The following CARMIL1 variants were observed in gnomAD, a reference collection of about 807,000 sequenced individuals.
The protein encoded by CARMIL1 is F-actin-uncapping protein LRRC16A.
A neutral mutation model predicts 177.1 loss-of-function variants in CARMIL1; 90 were observed. That is an observed-to-expected ratio of 0.51 (90% confidence interval 0.43 to 0.61). The LOEUF (loss-of-function observed/expected upper bound fraction) is 0.61, where lower values mean the gene tolerates loss of function less well. Among genes scored for constraint, CARMIL1 ranks in the 20% least tolerant of loss-of-function variants. CARMIL1 has a pLI of 0.00. For missense variants in CARMIL1, 1,380 were observed against 1,667.0 expected (o/e 0.83, Z 3.00); for synonymous variants, 577 against 606.2 (o/e 0.95, Z 0.71).
chr6:25,281,135 C>CGTGTGTGT (rs1561928471), intron 1 of CARMIL1, among the ~76,000 whole-genome samples: 4 of 107,944 alleles, frequency 3.7e-5, no homozygotes, highest in Non-Finnish European at 7.1e-5. Context: ...TGTGCGCGCG[C>CGTGTGTGT]GCACACACAC....
chr6:25,602,490 A>G (rs1815516999), intron 33 of CARMIL1, among the ~76,000 whole-genome samples: 2 of 152,144 alleles, frequency 1.3e-5, no homozygotes. Context: ...TTTGGATTTG[A>G]TATATAAATC....
In CARMIL1 at chr6:25,451,255, A is replaced by G. The variant is rs559152734; in HGVS notation, c.614+544A>G. 3.9e-5 allele frequency among the ~76,000 whole-genome samples: 6 copies of G among 152,206 alleles called. No homozygotes were observed. The South Asian group carries it at 1.0e-3, about 26-fold the overall frequency. On this transcript the variant is annotated intron_variant, in intron 8 of 36. Transcript: ENST00000329474. ...TGCTGAATTTTACCATAAAAACAGTATAATTCTTAGGTTCTTATGTCAGCC... is the reference window on the plus strand; with the variant it reads ...TGCTGAATTTTACCATAAAAACAGTGTAATTCTTAGGTTCTTATGTCAGCC...
chr6:25,587,941 C>T (rs1489936409), intron 31 of CARMIL1, among the ~76,000 whole-genome samples: 1 of 152,076 alleles, frequency 6.6e-6, no homozygotes, highest in Non-Finnish European at 1.5e-5. Context: ...TCCACACATT[C>T]TGCATTTGAG....
intron 11 of CARMIL1, among the ~76,000 whole-genome samples, chr6:25,479,579 TATTA>T (rs1185653282): frequency 1.3e-5 from 2 of 152,176 alleles, no homozygotes; most frequent in African/African-American, 2.4e-5. Context: ...TGTTGGAGTT[TATTA>T]ATTTTGTTAG....
Position 25,482,362 on chromosome 6 carries a change from A to G in CARMIL1, c.961+19A>G, listed in dbSNP as rs145878156. ...CCTAAAGGTACAGTATTTCTTATTT[A>G]CCTAAGAGTGTGTCTGAAATATTTC... On this transcript the variant is annotated intron_variant, in intron 12 of 36. Transcript: ENST00000329474. The G allele has an allele frequency of 1.2e-4, 141 of 1,219,544 alleles. No individual in the cohort carries two copies. The African/African-American group carries it at 1.5e-3, about 13-fold the overall frequency. 75.5% of individuals were successfully genotyped at this position (1,219,544 alleles called of 1,614,324 possible).
At chr6:25,298,488 A>G (rs1197819473) in intron 2 of CARMIL1, among the ~76,000 whole-genome samples, 2 of 152,200 alleles carry the variant, frequency 1.3e-5, no homozygotes, top group Non-Finnish European at 2.9e-5. Context: ...GTTCAAGTTC[A>G]GTGTTGAGAA....
intron 24 of CARMIL1, among the ~76,000 whole-genome samples, chr6:25,535,926 A>T (rs991134355): frequency 6.6e-6 from 1 of 152,162 alleles, no homozygotes; most frequent in African/African-American, 2.4e-5. Flanking sequence ...GAATTGAAGA[A>T]CTTAATTTTG....
chr6:25,442,432 CTCTG>C (rs1327658488), intron 5 of CARMIL1, among the ~76,000 whole-genome samples: 3 of 151,082 alleles, frequency 2.0e-5, no homozygotes, highest in Admixed American at 1.3e-4. Context: ...ACAACAAATC[CTCTG>C]TCTTTCTGTC....
At chr6:25,337,197 C>G (rs1189199836) in intron 2 of CARMIL1, among the ~76,000 whole-genome samples, 1 of 152,158 alleles carries the variant, frequency 6.6e-6, no homozygotes, top group Non-Finnish European at 1.5e-5. Context: ...CCATACAGCT[C>G]TCCTTGTAAG....
At chr6:25,448,297 C>A (rs890397040) in intron 5 of CARMIL1, among the ~76,000 whole-genome samples, 3 of 152,134 alleles carry the variant, frequency 2.0e-5, no homozygotes, top group Admixed American at 6.5e-5. Flanking sequence ...ACCTGTGAGG[C>A]GCACCATGGC....
chr6:25,537,289 C>T (rs1362088775), intron 24 of CARMIL1, among the ~76,000 whole-genome samples: 1 of 152,006 alleles, frequency 6.6e-6, no homozygotes, highest in Non-Finnish European at 1.5e-5. Flanking sequence ...TTTGGTGGCT[C>T]TTAATTTACA....
chr6:25,406,151 TA>T (rs1408731191), intron 2 of CARMIL1, among the ~76,000 whole-genome samples: 1 of 152,196 alleles, frequency 6.6e-6, no homozygotes, highest in Non-Finnish European at 1.5e-5. Context: ...CTGTGATAAG[TA>T]TTCATAAGAA....
intron 5 of CARMIL1, among the ~76,000 whole-genome samples, chr6:25,442,603 G>C (rs890554578): frequency 6.6e-6 from 1 of 151,998 alleles, no homozygotes; most frequent in Non-Finnish European, 1.5e-5. Context: ...TATTATTTCT[G>C]TGCACAGTGT....
At chr6:25,487,075 A>G (rs1305951425) in intron 12 of CARMIL1, among the ~76,000 whole-genome samples, 1 of 152,224 alleles carries the variant, frequency 6.6e-6, no homozygotes, top group Non-Finnish European at 1.5e-5. Flanking sequence ...GGTCTCCTGT[A>G]TACCCACCCA....
rs1298557707 is a variant in CARMIL1, at chr6:25,299,851, G to A, written c.138+14942G>A. Among the ~76,000 whole-genome samples, 5 of 152,050 alleles carry A rather than the reference G, an allele frequency of 3.3e-5. No homozygotes were observed. The South Asian group carries it at 8.3e-4, about 25-fold the overall frequency. ...AAATTAGCTGGGTGTGGTGGCGGGT[G>A]CCTGTAATCCTAGCTACTTGGGAGG... On this transcript the variant is annotated intron_variant, in intron 2 of 36. Coordinates refer to ENST00000329474, the MANE Select transcript of CARMIL1 (RefSeq NM_017640.6).
chr6:25,305,174 A>T (rs1783165742), intron 2 of CARMIL1, among the ~76,000 whole-genome samples: 1 of 152,202 alleles, frequency 6.6e-6, no homozygotes, highest in Non-Finnish European at 1.5e-5. Context: ...GGGCATTTAA[A>T]GAGCCATTCT....
chr6:25,480,870 G>A (rs537336830), intron 11 of CARMIL1, among the ~76,000 whole-genome samples: 3 of 150,466 alleles, frequency 2.0e-5, no homozygotes, highest in Admixed American at 6.7e-5. Context: ...ACCCGCGCCC[G>A]CCACCACGCC....
At chr6:25,298,937 G>A (rs1462014170) in intron 2 of CARMIL1, among the ~76,000 whole-genome samples, 1 of 151,564 alleles carries the variant, frequency 6.6e-6, no homozygotes, top group Non-Finnish European at 1.5e-5. Flanking sequence ...TATTTTTAGT[G>A]GAGACAGGGT....
intron 8 of CARMIL1, chr6:25,465,663 AAC>A: frequency 1.9e-6 from 1 of 519,358 alleles, no homozygotes; most frequent in Admixed American, 3.6e-5. Context: ...GGAAGTAGGA[AAC>A]AGAGTCCCTA....
Sources: gnomAD v4.1 joint callset for allele counts (sites outside exome capture counted in the v4.1 genomes callset) on GRCh38, gnomAD v4.1.1 for gene constraint, MANE v1.5 for transcripts, NCBI Gene and HGNC (gene_info 2026-07-23, HGNC 2026-07-21) for gene names.